UNC5C: variants seen among roughly 807,000 people sequenced by gnomAD.
UNC5C encodes the protein unc-5 netrin receptor C, also known as netrin receptor UNC5C.
Under a neutral mutation model 99.8 loss-of-function variants are expected in UNC5C, and 47 were observed. The observed-to-expected ratio is 0.47, with a 90% confidence interval of 0.37 to 0.60. The LOEUF (loss-of-function observed/expected upper bound fraction) is 0.60, where lower values mean the gene tolerates loss of function less well. UNC5C is among the 20% of genes least tolerant of loss of function. The pLI, the probability that UNC5C is intolerant of heterozygous loss-of-function variation, is 0.00. For missense variants in UNC5C, 1,062 were observed against 1,165.9 expected, an observed-to-expected ratio of 0.91 and a Z score of 1.30; for synonymous variants, 487 against 452.2, an observed-to-expected ratio of 1.08 and a Z score of -0.98.
At chr4:95,203,076 T>A in intron 11 of UNC5C, 112 bp from the exon 12 acceptor site, 1 of 888,192 alleles carries the variant, frequency 1.1e-6, no homozygotes, top group Non-Finnish European at 1.8e-6. Flanking sequence ...TTGGTCTTTT[T>A]TCTCTCTCAG....
Position 95,548,775 on chromosome 4 carries a change from A to G in UNC5C, c.83T>C (p.Leu28Pro). The part of the protein sequence containing the change: ...YLLQMLVLPA[L>P]ALLSASGTGS... ...AGTGCCGCTGGCGCTGAGCAGGGCC[A>G]GGGCAGGTAGCACGAGCATTTGCAG... is the stretch of plus-strand genomic sequence containing the variant. The change falls in exon 1 of 16, where the codon CTG becomes CCG. Residue 28 changes from leucine (L) to proline (P), a missense_variant. By Grantham distance (98) the Leu-to-Pro change is moderately conservative (BLOSUM62 -3). Coordinates refer to ENST00000453304, the MANE Select transcript of UNC5C (RefSeq NM_003728.4). The G allele has an allele frequency of 6.2e-7, 1 of 1,613,438 alleles. No homozygotes were observed. The highest frequency in any genetic ancestry group is 8.5e-7 in the Non-Finnish European group (1 of 1,179,944).
intron 1 of UNC5C, among the ~76,000 whole-genome samples, chr4:95,457,316 T>C (rs1187582783): frequency 6.6e-6 from 1 of 152,118 alleles, no homozygotes; most frequent in Non-Finnish European, 1.5e-5. Context: ...TACAGATTTG[T>C]CTAGGGTGTT....
chr4:95,340,632 A>G (rs1002836353), intron 1 of UNC5C, among the ~76,000 whole-genome samples: 6 of 152,178 alleles, frequency 3.9e-5, no homozygotes, highest in African/African-American at 1.4e-4. Flanking sequence ...ACAACTTGGA[A>G]GTACTGAATG....
intron 2 of UNC5C, among the ~76,000 whole-genome samples, chr4:95,322,635 A>T (rs1742732111): frequency 6.6e-6 from 1 of 152,104 alleles, no homozygotes; most frequent in Non-Finnish European, 1.5e-5. Context: ...TGATTTTTGC[A>T]CTTCAAAAAT....
chr4:95,185,878 AAC>A (rs1736809116), intron 12 of UNC5C, among the ~76,000 whole-genome samples: 2 of 152,226 alleles, frequency 1.3e-5, no homozygotes, highest in Non-Finnish European at 1.5e-5. Flanking sequence ...TATTGAACTA[AAC>A]AGTTACTCCA....
chr4:95,316,396 T>C (rs1042489622), intron 2 of UNC5C, among the ~76,000 whole-genome samples: 2 of 152,142 alleles, frequency 1.3e-5, no homozygotes, highest in African/African-American at 4.8e-5. Flanking sequence ...CCCCACAGCA[T>C]GCAAAACCGT....
intron 1 of UNC5C, among the ~76,000 whole-genome samples, chr4:95,454,271 ACT>A (rs34680981): frequency 0.19 from 28,545 of 151,912 alleles, 3,558 homozygotes; most frequent in Admixed American, 0.38. Flanking sequence ...CAGACTCTTC[ACT>A]CTGATTTTCT....
intron 1 of UNC5C, among the ~76,000 whole-genome samples, chr4:95,442,768 G>A (rs1018685927): frequency 2.0e-5 from 3 of 152,006 alleles, no homozygotes; most frequent in Non-Finnish European, 4.4e-5. Flanking sequence ...GTATGCAGAC[G>A]TGTCCTTAAT....
intron 2 of UNC5C, among the ~76,000 whole-genome samples, chr4:95,324,765 A>G (rs1228496647): frequency 6.6e-6 from 1 of 152,162 alleles, no homozygotes; most frequent in African/African-American, 2.4e-5. Context: ...CCCTTCTGCC[A>G]TGTAAGGACA....
intron 1 of UNC5C, among the ~76,000 whole-genome samples, chr4:95,454,352 A>G (rs1345173142): frequency 6.6e-6 from 1 of 152,134 alleles, no homozygotes; most frequent in African/African-American, 2.4e-5. Flanking sequence ...AGAATATTTG[A>G]GAAAGAAAAA....
chr4:95,391,793 A>G (rs1474249017), intron 1 of UNC5C, among the ~76,000 whole-genome samples: 1 of 146,408 alleles, frequency 6.8e-6, no homozygotes, highest in Non-Finnish European at 1.5e-5. Context: ...TTTTAAAGAG[A>G]GGCCAAAGCA....
chr4:95,449,047 C>A (rs1047917730), intron 1 of UNC5C, among the ~76,000 whole-genome samples: 9 of 151,986 alleles, frequency 5.9e-5, no homozygotes, highest in African/African-American at 2.2e-4. Context: ...ACTGATTATG[C>A]AAACTTGCTC....
chr4:95,542,552 A>T (rs1722946032), intron 1 of UNC5C, among the ~76,000 whole-genome samples: 1 of 152,194 alleles, frequency 6.6e-6, no homozygotes, highest in African/African-American at 2.4e-5. Context: ...TTAAATACTT[A>T]TAAAATCTGG....
intron 1 of UNC5C, among the ~76,000 whole-genome samples, chr4:95,372,715 A>G (rs565975353): frequency 6.6e-6 from 1 of 152,318 alleles, no homozygotes; most frequent in South Asian, 2.1e-4. Flanking sequence ...GATATAAAAT[A>G]TAGCACTTAC....
intron 12 of UNC5C, among the ~76,000 whole-genome samples, chr4:95,199,471 A>C (rs1279801035): frequency 6.6e-6 from 1 of 152,178 alleles, no homozygotes; most frequent in African/African-American, 2.4e-5. Context: ...AGATCCCCAG[A>C]TGCTGAGAAT....
At chr4:95,509,301 T>C (rs1383520770) in intron 1 of UNC5C, among the ~76,000 whole-genome samples, 7 of 151,808 alleles carry the variant, frequency 4.6e-5, no homozygotes, top group Non-Finnish European at 7.4e-5. Flanking sequence ...AGTCAGAGTA[T>C]AGTGCAATAC....
chr4:95,274,819 A>G (rs77413667), intron 4 of UNC5C, among the ~76,000 whole-genome samples: 3,681 of 152,138 alleles, frequency 0.024, 116 homozygotes, highest in African/African-American at 0.072. Flanking sequence ...TAAGGCATGG[A>G]GTTTGAGATC....
At chr4:95,329,493 T>C (rs944093016) in intron 2 of UNC5C, among the ~76,000 whole-genome samples, 1 of 152,180 alleles carries the variant, frequency 6.6e-6, no homozygotes, top group Non-Finnish European at 1.5e-5. Context: ...AAAAAGATTG[T>C]ATCAATTTAA....
At chr4:95,291,184 C>G (rs1446550169) in intron 3 of UNC5C, among the ~76,000 whole-genome samples, 2 of 152,096 alleles carry the variant, frequency 1.3e-5, no homozygotes, top group Non-Finnish European at 2.9e-5. Context: ...ATACAAGCCA[C>G]TCTTTTATAT....
Sources: allele counts gnomAD v4.1 joint callset (sites outside exome capture counted in the v4.1 genomes callset), GRCh38; gene constraint gnomAD v4.1.1; transcripts MANE v1.5; gene names NCBI Gene and HGNC (gene_info 2026-07-23, HGNC 2026-07-21).